FER: variants seen among roughly 807,000 people sequenced by gnomAD.
FER encodes the protein tyrosine-protein kinase Fer.
A neutral mutation model predicts 111.0 loss-of-function variants in FER; 63 were observed. The observed-to-expected ratio is 0.57, with a 90% CI of 0.46 to 0.70. The LOEUF is 0.70. Among genes scored for constraint, FER ranks in the 30% least tolerant of loss-of-function variants. The probability of loss-of-function intolerance (pLI) is 0.00; values close to 1 mark genes in which losing one functional copy is unlikely to be tolerated. For synonymous variants in FER, 327 were observed against 313.9 expected, an observed-to-expected ratio of 1.04 and a Z score of -0.44; for missense variants, 914 against 954.0, an observed-to-expected ratio of 0.96 and a Z score of 0.55.
At chr5:109,005,416 T>G (rs889835736) in intron 13 of FER, among the ~76,000 whole-genome samples, 3 of 152,092 alleles carry the variant, frequency 2.0e-5, no homozygotes, top group Non-Finnish European at 4.4e-5. Context: ...TATTCAAACA[T>G]ACTTATGTAA....
chr5:109,100,530 CA>C lies in FER; in HGVS notation c.2048+12del. The stretch of plus-strand genomic sequence containing the variant: ...AAACTGTATACACAGGTAAGGAGAA[CA>C]TTTTTAAAGCAATTTTTGGTTTTAT... On this transcript the variant is annotated intron_variant, in intron 17 of 19. Coordinates refer to ENST00000281092, the MANE Select transcript of FER (RefSeq NM_005246.4). 1 of 1,591,078 alleles carries C rather than the reference CA, an allele frequency of 6.3e-7. No homozygotes were observed. The highest frequency in any genetic ancestry group is 8.6e-7 in the Non-Finnish European group (1 of 1,169,136).
chr5:108,863,186 C>A lies in FER; in HGVS notation c.482-4581C>A, dbSNP rs1423626023. 2.6e-5 allele frequency among the ~76,000 whole-genome samples: 4 copies of A among 152,172 alleles called. No individual in the cohort carries two copies. In the South Asian group the frequency reaches 8.3e-4, roughly 32 times the overall value. On this transcript the variant is annotated intron_variant, in intron 5 of 19. Coordinates refer to ENST00000281092, the MANE Select transcript of FER (RefSeq NM_005246.4). ...CCAGGCTGGAGTGAAGAGGCTTGAT[C>A]TTGGTTCACTGCAACCTCCGCCTCC... is the stretch of plus-strand genomic sequence containing the variant.
At chr5:109,180,580 TG>T (rs1164686260) in intron 17 of FER, among the ~76,000 whole-genome samples, 166 bp from the exon 18 acceptor site, 2 of 152,354 alleles carry the variant, frequency 1.3e-5, no homozygotes, top group Admixed American at 1.3e-4. Flanking sequence ...TTCTCATGGA[TG>T]TTTTTTACCT....
chr5:109,130,326 C>G (rs1752222929), intron 17 of FER, among the ~76,000 whole-genome samples: 2 of 151,974 alleles, frequency 1.3e-5, no homozygotes, highest in African/African-American at 4.8e-5. Flanking sequence ...CCTGAGAAGG[C>G]TTTTCTGTAT....
chr5:108,824,542 G>A (rs531812106), intron 3 of FER, among the ~76,000 whole-genome samples: 221 of 151,788 alleles, frequency 1.5e-3, no homozygotes, highest in South Asian at 5.8e-3. Context: ...CCTATGTATC[G>A]TATTATTTTT....
At chr5:109,182,456 G>A (rs868089879) in intron 18 of FER, among the ~76,000 whole-genome samples, 71 of 152,296 alleles carry the variant, frequency 4.7e-4, no homozygotes, top group African/African-American at 1.7e-3. Context: ...CCTCTCTGGG[G>A]TGATTGTTGT....
rs554904137 is a variant in FER, at chr5:108,952,781, C to T, written c.1330-1948C>T. 2.6e-5 allele frequency among the ~76,000 whole-genome samples: 4 copies of T among 152,020 alleles called. No homozygotes were observed. In the South Asian group the frequency reaches 8.3e-4, roughly 32 times the overall value. On this transcript the variant is annotated intron_variant, in intron 11 of 19. Coordinates refer to ENST00000281092, the MANE Select transcript of FER (RefSeq NM_005246.4). ...CTGGCTGAGCTTTTGTACTTTTTTC[C>T]ACCTTAATTAGTTCATCGAACTCTG...
chr5:108,777,352 A>C (rs1753601919), intron 2 of FER, among the ~76,000 whole-genome samples: 1 of 152,226 alleles, frequency 6.6e-6, no homozygotes, highest in African/African-American at 2.4e-5. Flanking sequence ...ACTTCCACCC[A>C]CTACATATCC....
chr5:108,749,292 C>A (rs1580351815), intron 1 of FER, among the ~76,000 whole-genome samples: 1 of 152,162 alleles, frequency 6.6e-6, no homozygotes, highest in African/African-American at 2.4e-5. Flanking sequence ...CGAGGGCCGC[C>A]CCTCCCACCA....
At chr5:109,170,548 T>C (rs886701158) in intron 17 of FER, among the ~76,000 whole-genome samples, 1 of 152,158 alleles carries the variant, frequency 6.6e-6, no homozygotes, top group Non-Finnish European at 1.5e-5. Context: ...TACAAAGACA[T>C]CTATGCCTCT....
chr5:108,972,505 G>C (rs916286190), intron 13 of FER, among the ~76,000 whole-genome samples: 7 of 152,080 alleles, frequency 4.6e-5, no homozygotes, highest in Non-Finnish European at 7.4e-5. Context: ...TTCTTCCTCA[G>C]CTTACATTGA....
At chr5:109,150,253 T>C (rs1412542913) in intron 17 of FER, among the ~76,000 whole-genome samples, 2 of 152,088 alleles carry the variant, frequency 1.3e-5, no homozygotes, top group Non-Finnish European at 2.9e-5. Flanking sequence ...TGGCTCTCAT[T>C]TTCTCTAAGT....
chr5:109,014,020 C>A (rs1766682637), intron 13 of FER, among the ~76,000 whole-genome samples: 1 of 150,912 alleles, frequency 6.6e-6, no homozygotes. Flanking sequence ...AATTTTCTCC[C>A]ATTTTGTAGG....
At chr5:108,957,550 C>A (rs762907182) in intron 12 of FER, among the ~76,000 whole-genome samples, 1 of 151,590 alleles carries the variant, frequency 6.6e-6, no homozygotes, top group Non-Finnish European at 1.5e-5. Context: ...ATGGAGATTT[C>A]TCAAAAAGCT....
chr5:108,845,187 T>G (rs1025565498), intron 5 of FER, among the ~76,000 whole-genome samples: 7 of 150,444 alleles, frequency 4.7e-5, no homozygotes, highest in East Asian at 2.0e-4. Context: ...GTTTTGTTTT[T>G]TTTACATGGT....
At chr5:109,111,854 T>A (rs972750522) in intron 17 of FER, among the ~76,000 whole-genome samples, 1 of 152,166 alleles carries the variant, frequency 6.6e-6, no homozygotes, top group East Asian at 1.9e-4. Context: ...TTGGGAATTA[T>A]GTAATTCAAC....
chr5:109,169,617 T>C (rs1756898828), intron 17 of FER, among the ~76,000 whole-genome samples: 1 of 152,192 alleles, frequency 6.6e-6, no homozygotes, highest in African/African-American at 2.4e-5. Context: ...TGAATTCCTA[T>C]AAATACTGAA....
intron 9 of FER, among the ~76,000 whole-genome samples, chr5:108,886,433 A>G (rs985963742): frequency 3.4e-5 from 5 of 148,862 alleles, no homozygotes; most frequent in Admixed American, 1.4e-4. Context: ...TATTATATAT[A>G]ACATACATAA....
intron 17 of FER, among the ~76,000 whole-genome samples, chr5:109,128,229 G>GTT (rs538696603): frequency 3.4e-5 from 5 of 145,804 alleles, no homozygotes; most frequent in African/African-American, 1.0e-4. Context: ...AGATATACAA[G>GTT]TTTTTTTTTT....
Sources: gnomAD v4.1 joint callset for allele counts (sites outside exome capture counted in the v4.1 genomes callset) on GRCh38, gnomAD v4.1.1 for gene constraint, MANE v1.5 for transcripts, NCBI Gene and HGNC (gene_info 2026-07-23, HGNC 2026-07-21) for gene names.